Variants in RSL1D1 observed in about 807,000 individuals in gnomAD.
RSL1D1 encodes ribosomal L1 domain-containing protein 1.
In RSL1D1, 34 loss-of-function variants were observed where a neutral mutation model predicts 44.6. The ratio of observed to expected loss-of-function variants is 0.76; its 90% CI spans 0.58 to 1.02. RSL1D1 has a LOEUF of 1.02. RSL1D1 is among the 50% of genes least tolerant of loss of function. The probability of loss-of-function intolerance (pLI) is 0.00; values close to 1 mark genes in which losing one functional copy is unlikely to be tolerated. For synonymous variants in RSL1D1, 271 were observed against 207.4 expected, an observed-to-expected ratio of 1.31 and a Z score of -2.63; for missense variants, 767 against 568.1, an observed-to-expected ratio of 1.35 and a Z score of -3.56.
rs145024771 is a variant in RSL1D1 at position 11,850,388 on chromosome 16, G to C, written c.136C>G (p.His46Asp). Residue 46 changes from histidine to aspartate, a missense_variant, in exon 2 of 9, where the codon CAT (histidine) becomes GAT (aspartate). Physicochemically the swap from His to Asp is moderately conservative, Grantham distance 81. Transcript: ENST00000571133. ...VRKAVDALLT[H>D]CKSRKNNYGL... The stretch of plus-strand genomic sequence containing the variant: ...TAATTGTTTTTCCTGGACTTGCAAT[G>C]CGTCAAGAGAGCGTCCACTGCCTTT... The C allele has an allele frequency of 2.0e-5, 32 of 1,597,912 alleles. No individual in the cohort carries two copies. The African/African-American group carries it at 3.9e-4, about 20-fold the overall frequency.
rs773416552 is a variant in RSL1D1, at chr16:11,836,301, C to A, written c.*1486G>T. 6.6e-6 allele frequency: 1 copy of A among 152,238 alleles called. No individual in the cohort carries two copies. Among genetic ancestry groups the A allele is most frequent in the African/African-American group, 2.4e-5 (1 of 41,454 alleles). The allele number at this position is 152,238 out of a possible 1,614,324, so 9.4% of individuals were successfully genotyped here. ...ACTCCACTGGACTTTGTCACCCCCA[C>A]GACCTGGTGTTGGGTCTGGTCACCC... On this transcript the variant is annotated 3_prime_UTR_variant, in exon 9 of 9. Coordinates refer to ENST00000571133, the MANE Select transcript of RSL1D1 (RefSeq NM_015659.3).
At chr16:11,838,666 G>A (rs977036762) in intron 8 of RSL1D1, among the ~76,000 whole-genome samples, 6 of 151,336 alleles carry the variant, frequency 4.0e-5, no homozygotes, top group East Asian at 2.0e-4. Flanking sequence ...AGAGTAGCCT[G>A]GCCAACATGG....
At position 11,841,809 on chromosome 16, in the gene RSL1D1, G is replaced by C. The variant is rs141253595; in HGVS notation, c.741C>G (p.Ser247Arg). Residue 247 changes from serine (S) to arginine (R), a missense_variant, in exon 7 of 9, where the codon AGC (serine) becomes AGG (arginine). Physicochemically the swap from Ser to Arg is moderately radical, Grantham distance 110. Coordinates refer to ENST00000571133, the MANE Select transcript of RSL1D1 (RefSeq NM_015659.3). ...CAGTTTTCACAAACAGGAGTTTCAC[G>C]CTCTCCCACTTCTGAAACAAAGAAA... ...LSEKLPEKWE[S>R]VKLLFVKTEK... 1 of 1,613,408 alleles carries C rather than the reference G, an allele frequency of 6.2e-7. No homozygotes were observed. Among genetic ancestry groups the C allele is most frequent in the East Asian group, 2.2e-5 (1 of 44,866 alleles).
At chr16:11,843,749 T>C (rs953119249) in intron 5 of RSL1D1, among the ~76,000 whole-genome samples, 7 of 151,210 alleles carry the variant, frequency 4.6e-5, no homozygotes, top group Admixed American at 4.0e-4. Flanking sequence ...TGGGCGCCTA[T>C]AGTCCCAGCT....
In RSL1D1 at chr16:11,840,078, T is replaced by G. The variant is rs1383945900; in HGVS notation, c.856-93A>C. 2.0e-6 allele frequency: 3 copies of G among 1,523,014 alleles called. No individual in the cohort carries two copies. The Admixed American group carries it at 6.3e-5, about 32-fold the overall frequency. The allele number at this position is 1,523,014 out of a possible 1,614,324, so 94.3% of individuals were successfully genotyped here. On this transcript the variant is annotated intron_variant, in intron 7 of 8. Transcript: ENST00000571133. Reference sequence around the variant, plus strand: ...TACCACGTGCAGTTTTGATTATCCATAAGCCCCTAAATGGACCTCGATCTA... The same window carrying G: ...TACCACGTGCAGTTTTGATTATCCAGAAGCCCCTAAATGGACCTCGATCTA...
At chr16:11,842,446 A>C (rs555960742) in intron 5 of RSL1D1, among the ~76,000 whole-genome samples, 1 of 152,280 alleles carries the variant, frequency 6.6e-6, no homozygotes, top group East Asian at 1.9e-4. Flanking sequence ...GCTGAAATGC[A>C]GTGGCACAAT....
rs1187172359 is a variant in RSL1D1 at position 11,851,499 on chromosome 16, G to A, written c.14C>T (p.Ala5Val). Residue 5 changes from alanine to valine, a missense_variant, in exon 1 of 9, where the codon GCC becomes GTC. Transcript: ENST00000571133. MEDSASASLSSAAAT... is the reference protein window; with the variant it reads MEDSVSASLSSAAAT... ...GGCTGCAGAAGACAGCGAGGCCGAG[G>A]CCGAATCCTCCATCTTGTTTCCACC... is the stretch of plus-strand genomic sequence containing the variant. 5.0e-6 allele frequency: 8 copies of A among 1,613,668 alleles called. No individual in the cohort carries two copies. The highest frequency in any genetic ancestry group is 3.3e-5 in the South Asian group (3 of 91,064).
chr16:11,843,625 T>C (rs530673257), intron 5 of RSL1D1, among the ~76,000 whole-genome samples: 2 of 151,536 alleles, frequency 1.3e-5, no homozygotes, highest in South Asian at 2.1e-4. Flanking sequence ...TCCCAGCACG[T>C]TGGGAGGCCA....
At chr16:11,847,843 A>G in intron 2 of RSL1D1, 37 bp from the exon 3 acceptor site, 1 of 1,594,936 alleles carries the variant, frequency 6.3e-7, no homozygotes, top group Non-Finnish European at 8.6e-7. Context: ...GGAAAGCATT[A>G]TTACACACAT....
At chr16:11,847,946 A>G in intron 2 of RSL1D1, 140 bp from the exon 3 acceptor site, 1 of 842,136 alleles carries the variant, frequency 1.2e-6, no homozygotes, top group Non-Finnish European at 1.9e-6. Context: ...TGCACCAAGA[A>G]CAACACTTAA....
At chr16:11,844,517 C>A (rs1390173817) in intron 5 of RSL1D1, among the ~76,000 whole-genome samples, 1 of 152,172 alleles carries the variant, frequency 6.6e-6, no homozygotes, top group African/African-American at 2.4e-5. Context: ...GTGACCAACT[C>A]TTCTAGGCTA....
chr16:11,838,760 G>A (rs922102350), intron 8 of RSL1D1, among the ~76,000 whole-genome samples: 3 of 151,210 alleles, frequency 2.0e-5, no homozygotes, highest in Non-Finnish European at 4.4e-5. Context: ...AGGAGGCTGA[G>A]GCACGAGAAT....
At chr16:11,844,915 C>T (rs950652672) in intron 5 of RSL1D1, among the ~76,000 whole-genome samples, 1 of 152,216 alleles carries the variant, frequency 6.6e-6, no homozygotes, top group Non-Finnish European at 1.5e-5. Flanking sequence ...ATAAAATAGC[C>T]TGAACCGCAT....
At chr16:11,845,694 T>A (rs990234690) in intron 5 of RSL1D1, among the ~76,000 whole-genome samples, 1 of 151,998 alleles carries the variant, frequency 6.6e-6, no homozygotes, top group African/African-American at 2.4e-5. Flanking sequence ...GAAAGTGCTA[T>A]CAGACAACAT....
intron 8 of RSL1D1, 46 bp downstream of exon 8, chr16:11,839,649 A>G: frequency 4.4e-6 from 7 of 1,600,438 alleles, no homozygotes; most frequent in Non-Finnish European, 6.0e-6. Flanking sequence ...CTGACACAGT[A>G]GCCACTGAAC....
chr16:11,837,553 G>C lies in RSL1D1; in HGVS notation c.*234C>G, dbSNP rs892507307. ...TTTGGTACAGACAGGGTTTCACCAT[G>C]TTGGCCAGGATGGTCTCGATCTCGT... On this transcript the variant is annotated 3_prime_UTR_variant, in exon 9 of 9. Transcript: ENST00000571133. 2.4e-6 allele frequency: 1 copy of C among 417,104 alleles called. No homozygotes were observed. The highest frequency in any genetic ancestry group is 4.3e-6 in the Non-Finnish European group (1 of 232,976). 25.8% of individuals were successfully genotyped at this position (417,104 alleles called of 1,614,324 possible).
intron 7 of RSL1D1, among the ~76,000 whole-genome samples, chr16:11,841,174 C>T (rs535919068): frequency 6.6e-6 from 1 of 152,240 alleles, no homozygotes; most frequent in Admixed American, 6.5e-5. Context: ...CTTTGGGAGC[C>T]CAAGGCAGGC....
intron 8 of RSL1D1, 69 bp downstream of exon 8, chr16:11,839,626 G>C: frequency 6.3e-7 from 1 of 1,576,158 alleles, no homozygotes; most frequent in Non-Finnish European, 8.6e-7. Context: ...TTATTGCTCA[G>C]CACAGTACCT....
chr16:11,842,575 G>A (rs1429598547), intron 5 of RSL1D1, among the ~76,000 whole-genome samples: 1 of 151,946 alleles, frequency 6.6e-6, no homozygotes, highest in African/African-American at 2.4e-5. Context: ...GAGCTCAAGT[G>A]ATCCACCAGG....
Sources: allele counts gnomAD v4.1 joint callset (sites outside exome capture counted in the v4.1 genomes callset), GRCh38; gene constraint gnomAD v4.1.1; transcripts MANE v1.5; gene names NCBI Gene and HGNC (gene_info 2026-07-23, HGNC 2026-07-21).